Variants in TCHP observed in about 807,000 individuals in gnomAD.
TCHP encodes trichoplein keratin filament-binding protein.
A neutral mutation model predicts 88.7 loss-of-function variants in TCHP; 81 were observed. The observed-to-expected ratio is 0.91, with a 90% CI of 0.76 to 1.10. The LOEUF is 1.10. Among genes scored for constraint, TCHP ranks in the 50% least tolerant of loss-of-function variants. The probability of loss-of-function intolerance (pLI) is 0.00; values close to 1 mark genes in which losing one functional copy is unlikely to be tolerated. For missense variants in TCHP, 641 were observed against 632.1 expected, an observed-to-expected ratio of 1.01 and a Z score of -0.15; for synonymous variants, 232 against 232.5, an observed-to-expected ratio of 1.00 and a Z score of 0.02.
chr12:109,896,997 G>T (rs1869578842), upstream of TCHP, among the ~76,000 whole-genome samples: 1 of 152,160 alleles, frequency 6.6e-6, no homozygotes, highest in Non-Finnish European at 1.5e-5. Flanking sequence ...CATGGGGAAT[G>T]CAGCAAGGAA....
chr12:109,914,858 T>C, intron 11 of TCHP: 1 of 487,430 alleles, frequency 2.1e-6, no homozygotes, highest in East Asian at 3.9e-5. Flanking sequence ...TTCTCTTTAC[T>C]CTGTCTGCTT....
chr12:109,904,755 T>A lies in TCHP; in HGVS notation c.418T>A (p.Tyr140Asn), dbSNP rs1870026429. ...QRKLIAEQLL[Y>N]EHWKKNNPKL... ...TTGATAGATTGCTGAACAACTTTTG[T>A]ACGAACACTGGAAAAAGAACAACCC... Residue 140 changes from tyrosine to asparagine, a missense_variant, in exon 4 of 13, where the codon TAC (tyrosine) becomes AAC (asparagine). By Grantham distance (143) the Tyr-to-Asn change is moderately radical. Coordinates refer to ENST00000405876, the MANE Select transcript of TCHP (RefSeq NM_001143852.2). The A allele has an allele frequency of 6.2e-7, 1 of 1,613,424 alleles. No individual in the cohort carries two copies. The highest frequency in any genetic ancestry group is 1.7e-5 in the Admixed American group (1 of 59,800).
chr12:109,897,880 C>T (rs1592902219), upstream of TCHP, among the ~76,000 whole-genome samples: 1 of 152,092 alleles, frequency 6.6e-6, no homozygotes, highest in South Asian at 2.1e-4. Flanking sequence ...TTATGAAGTT[C>T]CTGTCGACAG....
chr12:109,890,847 G>A, the TCHP span, among the ~76,000 whole-genome samples: 1 of 152,132 alleles, frequency 6.6e-6, no homozygotes, highest in African/African-American at 2.4e-5. Context: ...AATCACTACT[G>A]GAACTTTTCT....
intron 11 of TCHP, 193 bp downstream of exon 11, chr12:109,914,820 G>C: frequency 1.8e-6 from 1 of 553,774 alleles, no homozygotes. Context: ...CCTCCATGTC[G>C]TGTGGGTGAG....
At chr12:109,895,879 C>T (rs11068806), upstream of TCHP, among the ~76,000 whole-genome samples, 21,687 of 152,126 alleles carry the variant, frequency 0.14, 2,408 homozygotes, top group African/African-American at 0.31. Context: ...TCTCAGCCCC[C>T]TGCACGCCGT....
rs145032664 is a variant in TCHP at position 109,914,599 on chromosome 12, C to T, written c.1292C>T (p.Ser431Leu). Residue 431 changes from serine (S) to leucine (L), a missense_variant, in exon 11 of 13, where the codon TCG becomes TTG. Physicochemically the swap from Ser to Leu is moderately radical, Grantham distance 145. Coordinates refer to ENST00000405876, the MANE Select transcript of TCHP (RefSeq NM_001143852.2). ...REKEESEKLK[S>L]ARKQELEAQV... ...AAAGAGGAGAGTGAAAAGCTGAAAT[C>T]GGCCAGGAAGCAGGAGCTGGAAGCC... 224 of 1,612,342 alleles carry T rather than the reference C, an allele frequency of 1.4e-4. No homozygotes were observed. Among genetic ancestry groups the T allele is most frequent in the Middle Eastern group, 6.0e-4 (3 of 4,998 alleles).
At chr12:109,915,236 G>A in intron 11 of TCHP, 167 bp from the exon 12 acceptor site, 1 of 866,294 alleles carries the variant, frequency 1.2e-6, no homozygotes, top group Non-Finnish European at 1.9e-6. Flanking sequence ...CATGCATACA[G>A]CCTTTCAAGT....
intron 8 of TCHP, among the ~76,000 whole-genome samples, chr12:109,909,203 T>C (rs1281132314): frequency 6.6e-6 from 1 of 152,204 alleles, no homozygotes; most frequent in East Asian, 1.9e-4. Flanking sequence ...GAAAACCAAC[T>C]GTGAGGTGAT....
chr12:109,903,075 A>C lies in TCHP; in HGVS notation c.49A>C (p.Asn17His), dbSNP rs1318552006. The C allele has an allele frequency of 6.2e-7, 1 of 1,613,518 alleles. No individual in the cohort carries two copies. The highest frequency in any genetic ancestry group is 1.1e-5 in the South Asian group (1 of 91,016). ...PSYWCSQQRL[N>H]QQLARQREQE... is the part of the protein sequence containing the mutation. The stretch of plus-strand genomic sequence containing the variant: ...CTACTGGTGCAGCCAGCAGCGCCTG[A>C]ATCAGCAGCTAGCACGACAGCGAGA... Residue 17 changes from asparagine to histidine, a missense_variant, in exon 2 of 13, where the codon AAT (asparagine) becomes CAT (histidine). Coordinates refer to ENST00000405876, the MANE Select transcript of TCHP (RefSeq NM_001143852.2). This position sits in a 1 kb window ranked among gnomAD's most constrained non-coding sequence, Gnocchi z 4.6.
At chr12:109,906,050 T>A (rs1228318192) in intron 4 of TCHP, among the ~76,000 whole-genome samples, 1 of 152,210 alleles carries the variant, frequency 6.6e-6, no homozygotes. Context: ...AATGTTGTGA[T>A]CCATTTTCTA....
In TCHP at chr12:109,915,473, G is replaced by A. The variant is rs755765744; in HGVS notation, c.1391G>A (p.Arg464Gln). The change falls in exon 12 of 13, where the codon CGG becomes CAG. Residue 464 changes from arginine to glutamine, a missense_variant. Arg to Gln is a conservative substitution (Grantham distance 43). Transcript: ENST00000405876. Reference sequence around the variant, plus strand: ...GAGGAGGAAGAGGAGGAGGCCCGGCGGGTCGAGCAGCTCTCAGATGCCCTG... The same window carrying A: ...GAGGAGGAAGAGGAGGAGGCCCGGCAGGTCGAGCAGCTCTCAGATGCCCTG... ...QEEEEEEEAR[R>Q]VEQLSDALLQ... The A allele has an allele frequency of 8.1e-6, 13 of 1,613,934 alleles. No individual in the cohort carries two copies. Among genetic ancestry groups the A allele is most frequent in the South Asian group, 2.2e-5 (2 of 91,086 alleles).
At chr12:109,906,171 A>G (rs1298845747) in intron 4 of TCHP, among the ~76,000 whole-genome samples, 1 of 152,198 alleles carries the variant, frequency 6.6e-6, no homozygotes, top group Non-Finnish European at 1.5e-5. Flanking sequence ...TTTGCAGAGG[A>G]AACTTCGGGG....
In TCHP at chr12:109,907,561, T is replaced by C. The variant is rs753055012; in HGVS notation, c.561T>C (p.Tyr187=). 7 of 1,613,766 alleles carry C rather than the reference T, an allele frequency of 4.3e-6. No individual in the cohort carries two copies. Among genetic ancestry groups the C allele is most frequent in the Non-Finnish European group, 5.9e-6 (7 of 1,179,898 alleles). ...EATAEQENKR[Y]ENEYERARRE... ...CCGCAGAGCAAGAGAACAAACGGTA[T>C]GAAAATGAATATGAAAGGGCCCGAA... Residue 187 remains tyrosine, a synonymous_variant, in exon 6 of 13, where the codon TAT becomes TAC. Transcript: ENST00000405876.
chr12:109,911,631 A>G (rs541921880), intron 9 of TCHP, among the ~76,000 whole-genome samples: 113 of 150,868 alleles, frequency 7.5e-4, no homozygotes, highest in South Asian at 4.5e-3. Context: ...AAAAAAAAAA[A>G]AAGAAGAAGA....
chr12:109,894,534 G>C, the TCHP span, among the ~76,000 whole-genome samples: 2 of 151,722 alleles, frequency 1.3e-5, no homozygotes, highest in Admixed American at 6.6e-5. Flanking sequence ...GGGAGGCCGA[G>C]GTGGGCAGAT....
At chr12:109,904,601 G>T in intron 3 of TCHP, 136 bp from the exon 4 acceptor site, 1 of 694,548 alleles carries the variant, frequency 1.4e-6, no homozygotes, top group South Asian at 1.8e-5. Context: ...TGAAGCATGA[G>T]GGTTTGAACA....
intron 3 of TCHP, 98 bp from the exon 4 acceptor site, chr12:109,904,639 G>A: frequency 9.9e-7 from 1 of 1,012,230 alleles, no homozygotes; most frequent in Non-Finnish European, 1.5e-6. Flanking sequence ...GTGAAGGGAG[G>A]CACTCATAGC....
chr12:109,884,409 G>C, the TCHP span, among the ~76,000 whole-genome samples: 1 of 151,950 alleles, frequency 6.6e-6, no homozygotes, highest in East Asian at 1.9e-4. Flanking sequence ...AGGGTGGTCT[G>C]GATCTCCTGA....
Sources: gnomAD v4.1 joint callset for allele counts (sites outside exome capture counted in the v4.1 genomes callset) on GRCh38, gnomAD v4.1.1 for gene constraint, Gnocchi (gnomAD v3.1) non-coding constraint, MANE v1.5 for transcripts, NCBI Gene and HGNC (gene_info 2026-07-23, HGNC 2026-07-21) for gene names.